The following DENND5B variants were observed in gnomAD, a reference collection of about 807,000 sequenced individuals.
DENND5B encodes the protein DENN domain-containing protein 5B.
In DENND5B, 34 loss-of-function variants were observed where a neutral mutation model predicts 140.6. The observed-to-expected ratio is 0.24, with a 90% CI of 0.18 to 0.32. The LOEUF (loss-of-function observed/expected upper bound fraction) is 0.32, where lower values mean the gene tolerates loss of function less well. Among genes scored for constraint, DENND5B ranks in the 10% least tolerant of loss-of-function variants. The pLI is 1.00. For synonymous variants in DENND5B, 551 were observed against 562.1 expected, an observed-to-expected ratio of 0.98 and a Z score of 0.28; for missense variants, 1,142 against 1,560.2, an observed-to-expected ratio of 0.73 and a Z score of 4.52.
chr12:31,527,205 A>G (rs940406302), intron 1 of DENND5B, among the ~76,000 whole-genome samples: 2 of 152,248 alleles, frequency 1.3e-5, no homozygotes, highest in Non-Finnish European at 2.9e-5. Context: ...ACTCACTGAC[A>G]CAGGGCATTT....
At chr12:31,508,305 TAAG>T (rs1040274602) in intron 1 of DENND5B, among the ~76,000 whole-genome samples, 6 of 152,182 alleles carry the variant, frequency 3.9e-5, no homozygotes, top group African/African-American at 1.4e-4. Context: ...AAAATTTTTA[TAAG>T]AAGTCAAAAA....
intron 7 of DENND5B, among the ~76,000 whole-genome samples, chr12:31,434,207 C>T (rs2137856277): frequency 6.6e-6 from 1 of 152,220 alleles, no homozygotes; most frequent in East Asian, 1.9e-4. Flanking sequence ...AAAACCTGAG[C>T]TCTTTTCCAA....
chr12:31,503,759 G>A (rs944127186), intron 1 of DENND5B, among the ~76,000 whole-genome samples: 3 of 152,094 alleles, frequency 2.0e-5, no homozygotes, highest in Non-Finnish European at 2.9e-5. Flanking sequence ...CCTCGTTTCC[G>A]GTTTTATCAG....
chr12:31,403,069 G>A (rs1267092465), intron 14 of DENND5B, among the ~76,000 whole-genome samples: 1 of 152,148 alleles, frequency 6.6e-6, no homozygotes, highest in African/African-American at 2.4e-5. Flanking sequence ...TATAAAAAGA[G>A]GGGTGGATGA....
intron 6 of DENND5B, among the ~76,000 whole-genome samples, chr12:31,444,637 G>A (rs1702455988): frequency 6.6e-6 from 1 of 152,178 alleles, no homozygotes. Context: ...ATTTTAATTG[G>A]AAAGACTTTC....
chr12:31,426,574 A>C, intron 8 of DENND5B, 150 bp from the exon 9 acceptor site: 1 of 904,876 alleles, frequency 1.1e-6, no homozygotes, highest in Admixed American at 3.1e-5. Flanking sequence ...TTAGTGTACT[A>C]AAAGACAGAG....
intron 3 of DENND5B, among the ~76,000 whole-genome samples, chr12:31,479,019 A>G (rs921399176): frequency 3.9e-5 from 6 of 152,184 alleles, no homozygotes; most frequent in African/African-American, 7.2e-5. Flanking sequence ...ACACACACAC[A>G]CAACTCTGGC....
intron 1 of DENND5B, among the ~76,000 whole-genome samples, chr12:31,533,776 G>T (rs1168171523): frequency 1.1e-4 from 16 of 152,174 alleles, no homozygotes. Flanking sequence ...ACAGAATTGT[G>T]TGAACTGTGG....
rs1235080896 is a variant in DENND5B, at chr12:31,386,828, C to T, written c.*775G>A. The T allele has an allele frequency of 1.3e-5, 2 of 152,160 alleles. No individual in the cohort carries two copies. The highest frequency in any genetic ancestry group is 1.3e-4 in the Admixed American group (2 of 15,274). The allele number at this position is 152,160 out of a possible 1,614,324, so 9.4% of individuals were successfully genotyped here. ...CATCTTCCCAAAGTACCTCAAATAA[C>T]AAGAATAAAAATGCCAAGAATGAAG... On this transcript the variant is annotated 3_prime_UTR_variant, in exon 21 of 21. Coordinates refer to ENST00000389082, the MANE Select transcript of DENND5B (RefSeq NM_144973.4).
At chr12:31,501,231 C>T (rs188165552) in intron 1 of DENND5B, among the ~76,000 whole-genome samples, 11 of 152,292 alleles carry the variant, frequency 7.2e-5, no homozygotes, top group Admixed American at 7.2e-4. Flanking sequence ...TGAGTTCTCA[C>T]AAAATCTGAT....
At chr12:31,586,991 A>C (rs1197213339) in intron 1 of DENND5B, among the ~76,000 whole-genome samples, 1 of 152,200 alleles carries the variant, frequency 6.6e-6, no homozygotes, top group East Asian at 1.9e-4. Flanking sequence ...TTAGTTGAGA[A>C]CATGATATGA....
Position 31,433,158 on chromosome 12 carries a change from C to T in DENND5B, c.2103G>A (p.Arg701=). The change falls in exon 8 of 21, where the codon AGG becomes AGA. Residue 701 remains arginine (R), a synonymous_variant. Coordinates refer to ENST00000389082, the MANE Select transcript of DENND5B (RefSeq NM_144973.4). ...CCCAGGAAGGTAGACCACATACCTC[C>T]CTCAAGTCGTTGTCCAGCCCAACAT... is the stretch of plus-strand genomic sequence containing the variant. The part of the protein sequence containing the change: ...SEHVGLDNDL[R]EKYMQEARSL... 3.7e-6 allele frequency: 6 copies of T among 1,613,916 alleles called. No individual in the cohort carries two copies. Among genetic ancestry groups the T allele is most frequent in the Non-Finnish European group, 5.1e-6 (6 of 1,179,876 alleles).
intron 3 of DENND5B, among the ~76,000 whole-genome samples, chr12:31,469,797 G>A (rs988804198): frequency 1.3e-5 from 2 of 152,022 alleles, no homozygotes; most frequent in African/African-American, 4.8e-5. Flanking sequence ...ATTGGTTATT[G>A]AAAAGAGTCT....
intron 1 of DENND5B, among the ~76,000 whole-genome samples, chr12:31,517,333 TC>T (rs1385172685): frequency 2.0e-5 from 3 of 152,236 alleles, no homozygotes; most frequent in Admixed American, 1.3e-4. Flanking sequence ...ATGTCCTCTA[TC>T]CTGCGCTTAA....
chr12:31,437,334 CTG>C (rs1282788746), intron 7 of DENND5B, among the ~76,000 whole-genome samples: 1 of 152,050 alleles, frequency 6.6e-6, no homozygotes, highest in Non-Finnish European at 1.5e-5. Flanking sequence ...CGGGGTTTCA[CTG>C]TGTTAGCCAG....
chr12:31,584,442 A>G (rs1225446137), intron 1 of DENND5B, among the ~76,000 whole-genome samples: 3 of 152,232 alleles, frequency 2.0e-5, no homozygotes, highest in African/African-American at 7.2e-5. Context: ...TCCAAAATTA[A>G]ATGATCATTA....
intron 7 of DENND5B, among the ~76,000 whole-genome samples, chr12:31,438,822 T>C: frequency 6.6e-6 from 1 of 152,048 alleles, no homozygotes; most frequent in Admixed American, 6.6e-5. Flanking sequence ...TCCAAATAAA[T>C]AGTAAAAATA....
At chr12:31,544,592 A>G (rs189348741) in intron 1 of DENND5B, among the ~76,000 whole-genome samples, 17 of 152,286 alleles carry the variant, frequency 1.1e-4, no homozygotes, top group Admixed American at 2.6e-4. Flanking sequence ...GCCAATAACT[A>G]TCAAATCTAT....
Position 31,424,077 on chromosome 12 carries a change from C to T in DENND5B, c.2392-402G>A, listed in dbSNP as rs571958262. Reference sequence around the variant, plus strand: ...AAATATGTTTGGATATATGGAGTGGCGATAAGAGAAAAAAATCGAGGTGAG... The same window carrying T: ...AAATATGTTTGGATATATGGAGTGGTGATAAGAGAAAAAAATCGAGGTGAG... On this transcript the variant is annotated intron_variant, in intron 10 of 20. Transcript: ENST00000389082. 4.0e-5 allele frequency among the ~76,000 whole-genome samples: 6 copies of T among 150,168 alleles called. No homozygotes were observed. The East Asian group carries it at 7.8e-4, about 19-fold the overall frequency.
Sources: gnomAD v4.1 joint callset for allele counts (sites outside exome capture counted in the v4.1 genomes callset) on GRCh38, gnomAD v4.1.1 for gene constraint, MANE v1.5 for transcripts, NCBI Gene and HGNC (gene_info 2026-07-23, HGNC 2026-07-21) for gene names.